Variants in SESTD1 observed in about 807,000 individuals in gnomAD.
SESTD1 encodes SEC14 domain and spectrin repeat-containing protein 1.
Under a neutral mutation model 101.7 loss-of-function variants are expected in SESTD1, and 43 were observed. That is an observed-to-expected ratio of 0.42 (90% confidence interval 0.33 to 0.55). The LOEUF is 0.55. SESTD1 is among the 20% of genes least tolerant of loss of function. The probability of loss-of-function intolerance (pLI) is 0.07; values close to 1 mark genes in which losing one functional copy is unlikely to be tolerated. For synonymous variants in SESTD1, 283 were observed against 286.8 expected, an observed-to-expected ratio of 0.99 and a Z score of 0.13; for missense variants, 647 against 815.1, an observed-to-expected ratio of 0.79 and a Z score of 2.51.
chr2:179,140,309 G>T (rs1000601031), intron 9 of SESTD1, among the ~76,000 whole-genome samples: 2 of 152,094 alleles, frequency 1.3e-5, no homozygotes, highest in African/African-American at 4.8e-5. Context: ...CTTTAAAGAG[G>T]TAATTAACCT....
At chr2:179,134,823 G>A (rs1211198406) in intron 9 of SESTD1, among the ~76,000 whole-genome samples, 1 of 152,110 alleles carries the variant, frequency 6.6e-6, no homozygotes, top group African/African-American at 2.4e-5. Context: ...ACTATTGACT[G>A]TTAATATACT....
In SESTD1 at chr2:179,143,773, C is replaced by T. The variant is rs780970875; in HGVS notation, c.668G>A (p.Arg223His). 1.7e-5 allele frequency: 27 copies of T among 1,613,658 alleles called. No individual in the cohort carries two copies. Among genetic ancestry groups the T allele is most frequent in the East Asian group, 1.3e-4 (6 of 44,868 alleles). Residue 223 changes from arginine (R) to histidine (H), a missense_variant, in exon 9 of 18, where the codon CGT becomes CAT. Physicochemically the swap from Arg to His is conservative, Grantham distance 29 (BLOSUM62 0). Coordinates refer to ENST00000428443, the MANE Select transcript of SESTD1 (RefSeq NM_178123.5). ...GHELLSELQQ[R>H]RFNGSDGGVS... Reference sequence around the variant, plus strand: ...CCCTCCGTCTGAGCCATTAAATCGACGCTGCTGTAATTCGGACAACAATTC... The same window carrying T: ...CCCTCCGTCTGAGCCATTAAATCGATGCTGCTGTAATTCGGACAACAATTC...
chr2:179,173,960 G>A (rs2105476378), intron 4 of SESTD1, among the ~76,000 whole-genome samples: 1 of 152,162 alleles, frequency 6.6e-6, no homozygotes, highest in South Asian at 2.1e-4. Context: ...AACCTTTGGA[G>A]GTAAACATGC....
intron 10 of SESTD1, among the ~76,000 whole-genome samples, chr2:179,130,147 G>A (rs1394570371): frequency 6.6e-6 from 1 of 152,132 alleles, no homozygotes; most frequent in Non-Finnish European, 1.5e-5. Context: ...AAAAACTACT[G>A]TAGCTTAACC....
At chr2:179,122,064 A>C in intron 12 of SESTD1, 135 bp from the exon 13 acceptor site, 6 of 654,060 alleles carry the variant, frequency 9.2e-6, no homozygotes, top group Non-Finnish European at 1.4e-5. Context: ...CTTGGGATGG[A>C]ATCCCAAGAC....
chr2:179,132,575 T>C (rs2045036238), intron 9 of SESTD1, 149 bp from the exon 10 acceptor site: 2 of 856,794 alleles, frequency 2.3e-6, no homozygotes, highest in African/African-American at 1.8e-5. Context: ...ATGTTTCTTT[T>C]GGAACTACAC....
chr2:179,199,700 A>G (rs1379455659), intron 1 of SESTD1, among the ~76,000 whole-genome samples: 2 of 152,212 alleles, frequency 1.3e-5, no homozygotes, highest in East Asian at 3.9e-4. Context: ...ACCAAAGACA[A>G]AAACCACATG....
Position 179,115,195 on chromosome 2 carries a change from C to T in SESTD1, c.1709G>A (p.Arg570His), listed in dbSNP as rs749484642. Residue 570 changes from arginine (R) to histidine (H), a missense_variant, in exon 16 of 18, where the codon CGC becomes CAC. Around this residue, in one of 3 missense-constraint regions of SESTD1, gnomAD observed 476 missense variants for 562.6 expected, o/e 0.85. Transcript: ENST00000428443. ...QATVVLCQSL[R>H]CTSRSSGDTL... ...ATCCCCAGATGACCGAGAAGTGCAG[C>T]GCAAAGATTGGCATAACACAACTGT... The T allele has an allele frequency of 2.2e-5, 36 of 1,613,488 alleles. No homozygotes were observed. The highest frequency in any genetic ancestry group is 6.7e-5 in the East Asian group (3 of 44,850).
chr2:179,132,493 T>C, intron 9 of SESTD1, 67 bp from the exon 10 acceptor site: 2 of 1,518,686 alleles, frequency 1.3e-6, no homozygotes, highest in Non-Finnish European at 1.8e-6. Flanking sequence ...CATTCTAACT[T>C]ATTTTTCCCC....
At chr2:179,224,634 AC>A (rs1328665292) in intron 1 of SESTD1, among the ~76,000 whole-genome samples, 1 of 151,844 alleles carries the variant, frequency 6.6e-6, no homozygotes, top group Non-Finnish European at 1.5e-5. Context: ...ACCTCCCCCT[AC>A]CCCCACTAAC....
chr2:179,145,001 T>C (rs2045363141), intron 8 of SESTD1, among the ~76,000 whole-genome samples: 1 of 152,134 alleles, frequency 6.6e-6, no homozygotes, highest in African/African-American at 2.4e-5. Context: ...AAGTATTTCT[T>C]TGTTCTCTAA....
At chr2:179,164,818 T>G (rs1243675067) in intron 5 of SESTD1, among the ~76,000 whole-genome samples, 3 of 152,212 alleles carry the variant, frequency 2.0e-5, no homozygotes, top group Non-Finnish European at 4.4e-5. Context: ...CCACTGGGTG[T>G]ATACTTGATG....
intron 5 of SESTD1, among the ~76,000 whole-genome samples, chr2:179,153,526 G>A (rs1046855733): frequency 2.0e-5 from 3 of 152,086 alleles, no homozygotes; most frequent in Non-Finnish European, 2.9e-5. Context: ...ACACTTATAT[G>A]TATGTGTATT....
Position 179,264,437 on chromosome 2 carries a change from G to A in SESTD1, c.-26+62C>T, listed in dbSNP as rs150359445. The A allele has an allele frequency of 8.8e-3, 1,332 of 150,852 alleles. 12 individuals carry two copies. The highest frequency in any genetic ancestry group is 0.015 in the Non-Finnish European group (986 of 67,612). 9.3% of individuals were successfully genotyped at this position (150,852 alleles called of 1,614,324 possible). ...GCCGCCGACTGCACCGGCCCAAGCC[G>A]GCCACCCGGCCGCGGGGCCTGCGCG... On this transcript the variant is annotated intron_variant, in intron 1 of 17. Coordinates refer to ENST00000428443, the MANE Select transcript of SESTD1 (RefSeq NM_178123.5).
chr2:179,203,972 C>G (rs2046557972), intron 1 of SESTD1, among the ~76,000 whole-genome samples: 1 of 134,832 alleles, frequency 7.4e-6, no homozygotes, highest in South Asian at 2.8e-4. Context: ...AACCCTGGAT[C>G]TGATAACTCC....
rs78573453 is a variant in SESTD1 at position 179,152,177 on chromosome 2, G to C, written c.370-786C>G. Among the ~76,000 whole-genome samples the C allele has an allele frequency of 7.5e-3, 1,138 of 152,250 alleles. 14 individuals are homozygous for C. The highest frequency in any genetic ancestry group is 0.025 in the African/African-American group (1,055 of 41,544). ...ACTTGATAAGAAAAATAATGTGTCT[G>C]GCTGGAAAGAGCATCATTGCCACTC... is the stretch of plus-strand genomic sequence containing the variant. On this transcript the variant is annotated intron_variant, in intron 5 of 17. Transcript: ENST00000428443.
chr2:179,128,180 G>A (rs79940837), intron 10 of SESTD1, among the ~76,000 whole-genome samples: 1,674 of 152,284 alleles, frequency 0.011, 16 homozygotes, highest in African/African-American at 0.03. Flanking sequence ...TTAAGGTTTA[G>A]GAATCACCAC....
chr2:179,134,203 C>T (rs181822960), intron 9 of SESTD1, among the ~76,000 whole-genome samples: 10 of 152,236 alleles, frequency 6.6e-5, no homozygotes, highest in East Asian at 1.9e-4. Flanking sequence ...TTTTCACCTG[C>T]GTAAGGGTTT....
chr2:179,128,450 G>A (rs2044929435), intron 10 of SESTD1, among the ~76,000 whole-genome samples: 1 of 152,114 alleles, frequency 6.6e-6, no homozygotes, highest in Admixed American at 6.6e-5. Context: ...GGTATGTACG[G>A]CCGGGCACAG....
Sources: allele counts gnomAD v4.1 joint callset (sites outside exome capture counted in the v4.1 genomes callset), GRCh38; gene constraint gnomAD v4.1.1; regional missense constraint gnomAD v4.1.1; transcripts MANE v1.5; gene names NCBI Gene and HGNC (gene_info 2026-07-23, HGNC 2026-07-21).